PCDH17: variants seen among roughly 807,000 people sequenced by gnomAD.
PCDH17 encodes the protein protocadherin 17, also known as protocadherin-17.
A neutral mutation model predicts 67.7 loss-of-function variants in PCDH17; 21 were observed. That is an observed-to-expected ratio of 0.31 (90% CI 0.22 to 0.45). PCDH17 has a LOEUF of 0.45. Ranked by LOEUF, PCDH17 falls within the 20% of genes least tolerant of loss-of-function variation. The probability of loss-of-function intolerance (pLI) is 1.00; values close to 1 mark genes in which losing one functional copy is unlikely to be tolerated. For synonymous variants in PCDH17, 701 were observed against 656.7 expected (o/e 1.07, Z -1.03); for missense variants, 1,471 against 1,564.8 (o/e 0.94, Z 1.01).
intron 1 of PCDH17, among the ~76,000 whole-genome samples, chr13:57,639,544 G>A (rs1031661932): frequency 1.3e-5 from 2 of 151,878 alleles, no homozygotes; most frequent in African/African-American, 4.8e-5. Context: ...TCTTTGTAAT[G>A]TATTAACTTC....
intron 1 of PCDH17, among the ~76,000 whole-genome samples, chr13:57,650,878 A>T (rs975184648): frequency 5.9e-5 from 9 of 152,184 alleles, no homozygotes; most frequent in Non-Finnish European, 2.9e-5. Flanking sequence ...CAAAAGACTC[A>T]GGCCTGAACT....
At position 57,705,290 on chromosome 13, in the gene PCDH17, A is replaced by G. The variant is rs924618951; in HGVS notation, c.2798-19322A>G. 2.0e-5 allele frequency among the ~76,000 whole-genome samples: 3 copies of G among 152,146 alleles called. No individual in the cohort carries two copies. In the South Asian group the frequency reaches 6.2e-4, roughly 32 times the overall value. On this transcript the variant is annotated intron_variant, in intron 3 of 3. Coordinates refer to ENST00000377918, the MANE Select transcript of PCDH17 (RefSeq NM_001040429.3). ...TTTATCTTAATGAAAAATATAATCA[A>G]TGCCTTTTAATAAATGTATAAATAT...
intron 3 of PCDH17, among the ~76,000 whole-genome samples, chr13:57,667,534 A>G (rs1400972406): frequency 1.3e-5 from 2 of 152,020 alleles, no homozygotes; most frequent in Non-Finnish European, 2.9e-5. Flanking sequence ...TCTTATGTAT[A>G]AGACTAAAAA....
intron 1 of PCDH17, among the ~76,000 whole-genome samples, chr13:57,641,573 AAAAAAAAAAAAAAAATAT>A (rs1182630293): frequency 1.0e-4 from 6 of 59,980 alleles, no homozygotes; most frequent in Non-Finnish European, 1.4e-4. Flanking sequence ...AAAAAAAAAA[AAAAAAAAAAAAAAAATAT>A]ATATATATAT....
At chr13:57,719,014 GTAGAATTAATCTACAGAACACT>G (rs1036069974) in intron 3 of PCDH17, among the ~76,000 whole-genome samples, 2 of 152,000 alleles carry the variant, frequency 1.3e-5, no homozygotes, top group Non-Finnish European at 2.9e-5. Flanking sequence ...CTTAGATTCT[GTAGAATTAATCTACAGAACACT>G]TGTGCAGACC....
intron 3 of PCDH17, among the ~76,000 whole-genome samples, chr13:57,688,712 G>T (rs1463452084): frequency 3.9e-5 from 6 of 151,988 alleles, no homozygotes; most frequent in African/African-American, 1.4e-4. Context: ...GTAAGATCAG[G>T]AATTAAAATC....
intron 3 of PCDH17, among the ~76,000 whole-genome samples, chr13:57,703,877 T>G (rs2138079181): frequency 6.6e-6 from 1 of 152,184 alleles, no homozygotes; most frequent in East Asian, 1.9e-4. Context: ...AAGAATAAAC[T>G]TTCAGAAAAT....
intron 3 of PCDH17, among the ~76,000 whole-genome samples, chr13:57,709,497 TA>T (rs1955755078): frequency 6.6e-6 from 1 of 151,984 alleles, no homozygotes; most frequent in Non-Finnish European, 1.5e-5. Flanking sequence ...CCAATAAGAC[TA>T]AGTCTTATGT....
chr13:57,678,278 A>C (rs1955414286), intron 3 of PCDH17, among the ~76,000 whole-genome samples: 1 of 151,558 alleles, frequency 6.6e-6, no homozygotes, highest in Admixed American at 6.6e-5. Flanking sequence ...AAACGTAGCA[A>C]GTAATGGAGA....
At chr13:57,656,136 A>G (rs557976559) in intron 1 of PCDH17, among the ~76,000 whole-genome samples, 1 of 152,270 alleles carries the variant, frequency 6.6e-6, no homozygotes, top group South Asian at 2.1e-4. Context: ...AGAAGAATGA[A>G]TAATAAACAT....
intron 3 of PCDH17, among the ~76,000 whole-genome samples, chr13:57,678,803 A>G (rs780403998): frequency 5.3e-5 from 8 of 151,652 alleles, no homozygotes; most frequent in Non-Finnish European, 1.2e-4. Flanking sequence ...ATATTTTAAC[A>G]TGTTAAAATT....
chr13:57,691,175 A>C (rs977889314), intron 3 of PCDH17, among the ~76,000 whole-genome samples: 3 of 151,444 alleles, frequency 2.0e-5, no homozygotes, highest in African/African-American at 7.2e-5. Flanking sequence ...TAATTATTCC[A>C]GCTAAAATTC....
chr13:57,674,488 C>T lies in PCDH17; in HGVS notation c.2797+7655C>T, dbSNP rs186938007. ...CAGACACACACACCACTATACCTGG[C>T]TAATTTTTCAAATTTATTTATAGGT... On this transcript the variant is annotated intron_variant, in intron 3 of 3. Coordinates refer to ENST00000377918, the MANE Select transcript of PCDH17 (RefSeq NM_001040429.3). 4.0e-5 allele frequency among the ~76,000 whole-genome samples: 6 copies of T among 151,844 alleles called. No homozygotes were observed. The East Asian group carries it at 1.2e-3, about 30-fold the overall frequency.
rs545259487 is a variant in PCDH17, at chr13:57,632,058, G to T, written c.-489G>T. 3.6e-5 allele frequency: 7 copies of T among 192,972 alleles called. No individual in the cohort carries two copies. Among genetic ancestry groups the T allele is most frequent in the Admixed American group, 1.1e-4 (2 of 17,824 alleles). The allele number at this position is 192,972 out of a possible 1,614,324, so 12.0% of individuals were successfully genotyped here. A position where few individuals can be genotyped will look rare whatever the true frequency, so the allele number is the denominator to read the frequency against. Reference sequence around the variant, plus strand: ...GATCTGCCTAGAGACACACCTCCCTGCTCCCTCCCCCACTCGATGTGAAGA... The same window carrying T: ...GATCTGCCTAGAGACACACCTCCCTTCTCCCTCCCCCACTCGATGTGAAGA... On this transcript the variant is annotated 5_prime_UTR_variant, in exon 1 of 4. Coordinates refer to ENST00000377918, the MANE Select transcript of PCDH17 (RefSeq NM_001040429.3).
rs367631764 is a variant in PCDH17, at chr13:57,634,241, C to T, written c.1695C>T (p.Ser565=). 6.0e-5 allele frequency: 97 copies of T among 1,613,200 alleles called. 2 individuals carry two copies. In the South Asian group the frequency reaches 1.0e-3, roughly 17 times the overall value. ...KDSGAPAHLE[S]NATVRVTVLD... The stretch of plus-strand genomic sequence containing the variant: ...CGGGGGCGCCCGCGCACTTGGAGAG[C>T]AACGCCACGGTGAGGGTGACAGTGC... The change falls in exon 1 of 4, where the codon AGC becomes AGT. Residue 565 remains serine (S), a synonymous_variant. Coordinates refer to ENST00000377918, the MANE Select transcript of PCDH17 (RefSeq NM_001040429.3). This position sits in a 1 kb window ranked among gnomAD's most constrained non-coding sequence, Gnocchi z 7.8.
chr13:57,684,959 T>G (rs1403670257), intron 3 of PCDH17, among the ~76,000 whole-genome samples: 1 of 151,940 alleles, frequency 6.6e-6, no homozygotes, highest in Non-Finnish European at 1.5e-5. Context: ...CTACTCAAAT[T>G]CAGCTAATAA....
intron 1 of PCDH17, among the ~76,000 whole-genome samples, chr13:57,665,102 TTC>T (rs1340155369): frequency 1.3e-5 from 2 of 152,122 alleles, no homozygotes; most frequent in Non-Finnish European, 2.9e-5. Flanking sequence ...AATGCTTCAC[TTC>T]ATCTTTGCGT....
At chr13:57,641,590 ATATAT>A (rs1566217671) in intron 1 of PCDH17, among the ~76,000 whole-genome samples, 2 of 81,674 alleles carry the variant, frequency 2.4e-5, no homozygotes, top group African/African-American at 9.0e-5. Context: ...AAAAAAAAAT[ATATAT>A]ATATATATAT....
At chr13:57,660,965 G>T (rs1332553734) in intron 1 of PCDH17, among the ~76,000 whole-genome samples, 2 of 151,984 alleles carry the variant, frequency 1.3e-5, no homozygotes, top group Non-Finnish European at 2.9e-5. Context: ...TTCCAGTTTG[G>T]GGCAAACATA....
Sources: gnomAD v4.1 joint callset for allele counts (sites outside exome capture counted in the v4.1 genomes callset) on GRCh38, gnomAD v4.1.1 for gene constraint, Gnocchi (gnomAD v3.1) non-coding constraint, MANE v1.5 for transcripts, NCBI Gene and HGNC (gene_info 2026-07-23, HGNC 2026-07-21) for gene names.